The following MACROD2 variants were observed in gnomAD, a reference collection of about 807,000 sequenced individuals.
MACROD2 encodes the protein ADP-ribose glycohydrolase MACROD2.
In MACROD2, 36 loss-of-function variants were observed where a neutral mutation model predicts 70.4. The observed-to-expected ratio is 0.51, with a 90% CI of 0.39 to 0.68. The LOEUF is 0.68. Among genes scored for constraint, MACROD2 ranks in the 30% least tolerant of loss-of-function variants. The pLI is 0.00. For missense variants in MACROD2, 496 were observed against 538.4 expected (o/e 0.92, Z 0.78); for synonymous variants, 172 against 178.8 (o/e 0.96, Z 0.30).
chr20:14,638,158 G>A (rs1032019564), intron 4 of MACROD2, among the ~76,000 whole-genome samples: 1 of 151,776 alleles, frequency 6.6e-6, no homozygotes, highest in African/African-American at 2.4e-5. Flanking sequence ...TTTAATTATT[G>A]TTATATTTTA....
intron 5 of MACROD2, among the ~76,000 whole-genome samples, chr20:15,044,802 A>G (rs1321226231): frequency 6.6e-6 from 1 of 152,182 alleles, no homozygotes; most frequent in Non-Finnish European, 1.5e-5. Context: ...GTCTCTATTA[A>G]ACACTCAAAT....
chr20:14,510,754 A>C (rs918161236), intron 4 of MACROD2, among the ~76,000 whole-genome samples: 3 of 152,114 alleles, frequency 2.0e-5, no homozygotes, highest in Non-Finnish European at 4.4e-5. Context: ...TGATTTCCCT[A>C]TCCCATGCAT....
At chr20:14,035,737 C>G (rs890013427) in intron 2 of MACROD2, among the ~76,000 whole-genome samples, 7 of 152,170 alleles carry the variant, frequency 4.6e-5, no homozygotes, top group African/African-American at 1.2e-4. Flanking sequence ...CCTATTCAAA[C>G]CTTTACATTT....
At chr20:15,613,911 G>C (rs373596832) in intron 8 of MACROD2, among the ~76,000 whole-genome samples, 1 of 152,232 alleles carries the variant, frequency 6.6e-6, no homozygotes, top group Non-Finnish European at 1.5e-5. Flanking sequence ...ACCTGCTGCT[G>C]TCATGGCTCA....
At chr20:14,820,310 A>G (rs1287657825) in intron 5 of MACROD2, among the ~76,000 whole-genome samples, 1 of 150,644 alleles carries the variant, frequency 6.6e-6, no homozygotes, top group Admixed American at 6.6e-5. Context: ...TGTAGATTTA[A>G]CCGTTCTGGT....
At chr20:14,507,798 G>T (rs974072512) in intron 4 of MACROD2, among the ~76,000 whole-genome samples, 1 of 152,188 alleles carries the variant, frequency 6.6e-6, no homozygotes, top group African/African-American at 2.4e-5. Context: ...TGCTGATGCT[G>T]CAGGGAACAA....
chr20:15,021,395 CAT>C (rs2075183028), intron 5 of MACROD2, among the ~76,000 whole-genome samples: 2 of 147,086 alleles, frequency 1.4e-5, no homozygotes, highest in South Asian at 4.3e-4. Flanking sequence ...TGTATATATA[CAT>C]ATATGTGTAT....
chr20:14,541,255 A>C (rs1423670345), intron 4 of MACROD2, among the ~76,000 whole-genome samples: 1 of 152,132 alleles, frequency 6.6e-6, no homozygotes, highest in Non-Finnish European at 1.5e-5. Flanking sequence ...ATTTGATGAC[A>C]TACTTTTTAG....
At chr20:16,003,363 T>TGTGA (rs2066742041) in intron 15 of MACROD2, among the ~76,000 whole-genome samples, 1 of 152,024 alleles carries the variant, frequency 6.6e-6, no homozygotes, top group Non-Finnish European at 1.5e-5. Flanking sequence ...TGTGTGTGTG[T>TGTGA]GTGTGCATCT....
intron 5 of MACROD2, among the ~76,000 whole-genome samples, chr20:15,158,927 G>A (rs1272798098): frequency 7.2e-5 from 11 of 152,052 alleles, no homozygotes; most frequent in Non-Finnish European, 1.6e-4. Context: ...GTTGACCATG[G>A]TTCTGTTCTT....
At chr20:15,772,104 ATATATAT>A (rs2051644856) in intron 8 of MACROD2, among the ~76,000 whole-genome samples, 2 of 78,188 alleles carry the variant, frequency 2.6e-5, no homozygotes, top group African/African-American at 6.0e-5. Flanking sequence ...AAAAAAAAAT[ATATATAT>A]ATATATATAT....
intron 15 of MACROD2, among the ~76,000 whole-genome samples, chr20:16,023,379 G>A (rs1330014496): frequency 2.0e-5 from 3 of 150,272 alleles, no homozygotes; most frequent in Non-Finnish European, 4.4e-5. Context: ...GGAGGCTGAG[G>A]CAGGAGAATG....
intron 10 of MACROD2, among the ~76,000 whole-genome samples, chr20:15,919,294 C>G (rs1160236639): frequency 2.6e-5 from 4 of 152,230 alleles, no homozygotes; most frequent in African/African-American, 9.6e-5. Flanking sequence ...GTGGCCTACT[C>G]TGCCACCAGG....
At chr20:16,009,124 T>A (rs1282294892) in intron 15 of MACROD2, among the ~76,000 whole-genome samples, 2 of 152,194 alleles carry the variant, frequency 1.3e-5, no homozygotes, top group East Asian at 1.9e-4. Flanking sequence ...GACAGGGCCA[T>A]GCAAACAACC....
intron 6 of MACROD2, among the ~76,000 whole-genome samples, chr20:15,380,903 C>T (rs1201500611): frequency 1.3e-5 from 2 of 152,102 alleles, no homozygotes; most frequent in Non-Finnish European, 1.5e-5. Context: ...AACTCAGTCA[C>T]ATCACTGAGA....
intron 5 of MACROD2, among the ~76,000 whole-genome samples, chr20:15,126,951 C>T (rs1404153800): frequency 6.6e-6 from 1 of 152,062 alleles, no homozygotes; most frequent in Non-Finnish European, 1.5e-5. Flanking sequence ...AATTACAGCA[C>T]ATGTTGACAA....
At chr20:14,189,024 G>A (rs968866718) in intron 3 of MACROD2, among the ~76,000 whole-genome samples, 2 of 152,042 alleles carry the variant, frequency 1.3e-5, no homozygotes, top group Non-Finnish European at 2.9e-5. Flanking sequence ...GTGGTAGAGT[G>A]GCAGTAACTC....
intron 8 of MACROD2, among the ~76,000 whole-genome samples, chr20:15,749,852 G>A (rs1201021407): frequency 6.6e-6 from 1 of 151,978 alleles, no homozygotes; most frequent in Non-Finnish European, 1.5e-5. Flanking sequence ...ACAAAAATCA[G>A]CTCAAATGAT....
intron 4 of MACROD2, among the ~76,000 whole-genome samples, chr20:14,512,977 C>T (rs1395374913): frequency 1.3e-5 from 2 of 152,046 alleles, no homozygotes; most frequent in South Asian, 2.1e-4. Context: ...ACTTCATAGG[C>T]TCCAAATGCC....
Sources: gnomAD v4.1 joint callset for allele counts (sites outside exome capture counted in the v4.1 genomes callset) on GRCh38, gnomAD v4.1.1 for gene constraint, MANE v1.5 for transcripts, NCBI Gene and HGNC (gene_info 2026-07-23, HGNC 2026-07-21) for gene names.